The following NELL1 variants were observed in gnomAD, a reference collection of about 807,000 sequenced individuals.
NELL1 encodes protein kinase C-binding protein NELL1.
A neutral mutation model predicts 107.4 loss-of-function variants in NELL1; 76 were observed. The observed-to-expected ratio is 0.71, with a 90% CI of 0.59 to 0.86. The LOEUF (loss-of-function observed/expected upper bound fraction) is 0.86. Among genes scored for constraint, NELL1 ranks in the 40% least tolerant of loss-of-function variants. The pLI is 0.00. For missense variants in NELL1, 1,024 were observed against 1,005.5 expected (o/e 1.02, Z -0.25); for synonymous variants, 353 against 341.2 (o/e 1.03, Z -0.38).
intron 13 of NELL1, among the ~76,000 whole-genome samples, chr11:21,210,160 A>G (rs535964042): frequency 1.4e-3 from 218 of 152,128 alleles, no homozygotes; most frequent in Non-Finnish European, 2.6e-3. Context: ...GGTTGTTTTA[A>G]TCTTTTGGAT....
chr11:21,081,289 C>A (rs2133670528), intron 12 of NELL1, among the ~76,000 whole-genome samples: 1 of 152,258 alleles, frequency 6.6e-6, no homozygotes, highest in South Asian at 2.1e-4. Flanking sequence ...TGCCACCTTT[C>A]TAATTACCCT....
chr11:20,895,087 C>T (rs1306027404), intron 5 of NELL1, among the ~76,000 whole-genome samples: 5 of 143,796 alleles, frequency 3.5e-5, no homozygotes, highest in African/African-American at 8.5e-5. Flanking sequence ...CCGGCTAAAA[C>T]GGTGAAACCC....
At chr11:20,683,015 AT>A (rs1228890882) in intron 2 of NELL1, among the ~76,000 whole-genome samples, 7 of 152,062 alleles carry the variant, frequency 4.6e-5, no homozygotes, top group Non-Finnish European at 2.9e-5. Flanking sequence ...GACTATTTAC[AT>A]TTAATGTGAT....
intron 3 of NELL1, among the ~76,000 whole-genome samples, chr11:20,814,382 A>C (rs1385530079): frequency 1.3e-5 from 2 of 152,194 alleles, no homozygotes; most frequent in Non-Finnish European, 2.9e-5. Context: ...TTTGGAGTAC[A>C]ACTGATCCTG....
intron 3 of NELL1, among the ~76,000 whole-genome samples, chr11:20,789,241 G>A (rs1409984794): frequency 6.6e-6 from 1 of 152,208 alleles, no homozygotes; most frequent in African/African-American, 2.4e-5. Flanking sequence ...AAGGGAGATG[G>A]GAGTCAGGCA....
intron 2 of NELL1, among the ~76,000 whole-genome samples, chr11:20,750,111 C>T (rs1386889100): frequency 6.6e-6 from 1 of 152,072 alleles, no homozygotes; most frequent in African/African-American, 2.4e-5. Flanking sequence ...TATTGTCAGT[C>T]CCTTTGATTT....
chr11:21,367,071 A>G (rs1223857594), intron 14 of NELL1, among the ~76,000 whole-genome samples: 1 of 152,048 alleles, frequency 6.6e-6, no homozygotes, highest in Non-Finnish European at 1.5e-5. Context: ...TTAATATAAA[A>G]AAAGTACTCT....
chr11:21,324,868 G>A (rs1241183668), intron 14 of NELL1, among the ~76,000 whole-genome samples: 4 of 152,038 alleles, frequency 2.6e-5, no homozygotes, highest in African/African-American at 7.2e-5. Flanking sequence ...TCTTCACTGA[G>A]AAATGCATTT....
At chr11:20,814,505 T>C (rs1050618109) in intron 3 of NELL1, among the ~76,000 whole-genome samples, 1 of 152,262 alleles carries the variant, frequency 6.6e-6, no homozygotes, top group Non-Finnish European at 1.5e-5. Context: ...TGTGTCCATA[T>C]GTACCCAATG....
intron 14 of NELL1, among the ~76,000 whole-genome samples, chr11:21,280,733 C>A (rs146842037): frequency 1.5e-4 from 23 of 151,618 alleles, no homozygotes; most frequent in Admixed American, 1.5e-3. Flanking sequence ...TGCTATGGGG[C>A]GTTAAATAAT....
intron 18 of NELL1, 23 bp from the exon 19 acceptor site, chr11:21,573,162 C>T: frequency 6.3e-7 from 1 of 1,579,924 alleles, no homozygotes; most frequent in Non-Finnish European, 8.7e-7. Flanking sequence ...AATAATGAGA[C>T]ATTTTTTGCT....
intron 13 of NELL1, among the ~76,000 whole-genome samples, chr11:21,114,620 G>C (rs573278080): frequency 1.3e-5 from 2 of 151,854 alleles, no homozygotes; most frequent in South Asian, 4.1e-4. Context: ...GCACATGTTA[G>C]TATGTCCAAA....
At chr11:21,325,537 C>A (rs1443988790) in intron 14 of NELL1, among the ~76,000 whole-genome samples, 1 of 150,466 alleles carries the variant, frequency 6.6e-6, no homozygotes. Context: ...TTAAGGTGAA[C>A]CTTTTCATTG....
At chr11:20,937,474 T>A (rs879911968) in intron 9 of NELL1, among the ~76,000 whole-genome samples, 1 of 152,236 alleles carries the variant, frequency 6.6e-6, no homozygotes, top group Non-Finnish European at 1.5e-5. Flanking sequence ...TCCACAGCGA[T>A]TGCCACCAGT....
Position 21,538,987 on chromosome 11 carries a change from G to A in NELL1, c.1786+4473G>A, listed in dbSNP as rs79117489. On this transcript the variant is annotated intron_variant, in intron 16 of 19. Transcript: ENST00000357134. Reference sequence around the variant, plus strand: ...CTCTTTCCTCTACTCCTTTGCTTGTGTGCTTTTCCCTGACTATCCCCATAG... The same window carrying A: ...CTCTTTCCTCTACTCCTTTGCTTGTATGCTTTTCCCTGACTATCCCCATAG... Among the ~76,000 whole-genome samples the A allele has an allele frequency of 6.7e-3, 1,014 of 152,082 alleles. 17 individuals carry two copies. The highest frequency in any genetic ancestry group is 0.023 in the African/African-American group (950 of 41,486).
chr11:20,850,444 A>T (rs1361620080), intron 4 of NELL1, among the ~76,000 whole-genome samples: 1 of 152,220 alleles, frequency 6.6e-6, no homozygotes, highest in Non-Finnish European at 1.5e-5. Flanking sequence ...AGTACTTTAC[A>T]TAGATTAACT....
At chr11:21,161,141 C>T (rs1372353258) in intron 13 of NELL1, among the ~76,000 whole-genome samples, 2 of 152,014 alleles carry the variant, frequency 1.3e-5, no homozygotes, top group Non-Finnish European at 2.9e-5. Flanking sequence ...CATCTCAAAG[C>T]ACCTTCCACT....
chr11:20,730,895 AG>A (rs1429621001), intron 2 of NELL1, among the ~76,000 whole-genome samples: 1 of 152,166 alleles, frequency 6.6e-6, no homozygotes, highest in African/African-American at 2.4e-5. Context: ...CTACTGAGGG[AG>A]GGATTACATT....
intron 12 of NELL1, among the ~76,000 whole-genome samples, chr11:21,043,212 C>A (rs1010736880): frequency 2.0e-5 from 3 of 152,068 alleles, no homozygotes; most frequent in African/African-American, 4.8e-5. Flanking sequence ...ATTTATTGTG[C>A]ACCTACTATG....
Sources: gnomAD v4.1 joint callset for allele counts (sites outside exome capture counted in the v4.1 genomes callset) on GRCh38, gnomAD v4.1.1 for gene constraint, MANE v1.5 for transcripts, NCBI Gene and HGNC (gene_info 2026-07-23, HGNC 2026-07-21) for gene names.